The following PHKB variants were observed in gnomAD, a reference collection of about 807,000 sequenced individuals.
The protein encoded by PHKB is phosphorylase kinase regulatory subunit beta.
A neutral mutation model predicts 152.1 loss-of-function variants in PHKB; 122 were observed. That is an observed-to-expected ratio of 0.80 (90% CI 0.69 to 0.93). The LOEUF (loss-of-function observed/expected upper bound fraction) is 0.93, where lower values mean the gene tolerates loss of function less well. Among genes scored for constraint, PHKB ranks in the 40% least tolerant of loss-of-function variants. PHKB has a pLI of 0.00. For missense variants in PHKB, 1,304 were observed against 1,328.4 expected, an observed-to-expected ratio of 0.98 and a Z score of 0.29; for synonymous variants, 436 against 464.9, an observed-to-expected ratio of 0.94 and a Z score of 0.80.
intron 1 of PHKB, among the ~76,000 whole-genome samples, chr16:47,493,101 C>G (rs1014489425): frequency 6.6e-6 from 1 of 152,172 alleles, no homozygotes; most frequent in African/African-American, 2.4e-5. Flanking sequence ...GCAAACAGTG[C>G]GCACTTCCTG....
chr16:47,558,560 G>C (rs377505841), intron 7 of PHKB, among the ~76,000 whole-genome samples: 1 of 152,072 alleles, frequency 6.6e-6, no homozygotes, highest in Admixed American at 6.6e-5. Context: ...GTTTGTTTTT[G>C]TTGTTTTGAG....
At chr16:47,640,061 G>A (rs937325585) in intron 14 of PHKB, among the ~76,000 whole-genome samples, 1 of 152,314 alleles carries the variant, frequency 6.6e-6, no homozygotes, top group Middle Eastern at 3.4e-3. Flanking sequence ...GAAAGTCTGC[G>A]TGAAATGGCA....
At chr16:47,680,132 G>A (rs1231889882) in intron 26 of PHKB, among the ~76,000 whole-genome samples, 1 of 152,164 alleles carries the variant, frequency 6.6e-6, no homozygotes, top group Non-Finnish European at 1.5e-5. Flanking sequence ...CTTGATCATG[G>A]TTGATAGGCT....
intron 1 of PHKB, among the ~76,000 whole-genome samples, chr16:47,478,259 TAGAA>T (rs1969902975): frequency 6.6e-6 from 1 of 152,042 alleles, no homozygotes; most frequent in Admixed American, 6.6e-5. Context: ...GAAATGGAAA[TAGAA>T]AGAAGTGAAA....
At chr16:47,498,770 C>T (rs368611964) in intron 2 of PHKB, among the ~76,000 whole-genome samples, 12 of 152,184 alleles carry the variant, frequency 7.9e-5, no homozygotes, top group East Asian at 5.8e-4. Flanking sequence ...GGCATGGTGG[C>T]GATTGCCTGT....
intron 6 of PHKB, among the ~76,000 whole-genome samples, chr16:47,519,393 G>T (rs1406531918): frequency 2.0e-5 from 3 of 152,154 alleles, no homozygotes; most frequent in African/African-American, 7.2e-5. Flanking sequence ...AAGTTGGGTG[G>T]TGCTGGCTTG....
At chr16:47,552,003 A>G (rs1971279759) in intron 7 of PHKB, among the ~76,000 whole-genome samples, 1 of 152,154 alleles carries the variant, frequency 6.6e-6, no homozygotes, top group Non-Finnish European at 1.5e-5. Context: ...TTGTTGATTT[A>G]AAGTCTGTTT....
At chr16:47,553,382 C>T (rs768256795) in intron 7 of PHKB, among the ~76,000 whole-genome samples, 15 of 151,952 alleles carry the variant, frequency 9.9e-5, no homozygotes, top group Non-Finnish European at 2.2e-4. Flanking sequence ...TTTTCAGTTT[C>T]GTCAGGTCAT....
chr16:47,610,750 T>C (rs111963621), intron 13 of PHKB, 76 bp from the exon 14 acceptor site: 4 of 819,156 alleles, frequency 4.9e-6, no homozygotes, highest in African/African-American at 3.3e-5. Flanking sequence ...TGTTGGAGTA[T>C]TTTCTAAAAG....
intron 6 of PHKB, among the ~76,000 whole-genome samples, chr16:47,522,339 A>G (rs1293037818): frequency 6.6e-6 from 1 of 152,040 alleles, no homozygotes; most frequent in Non-Finnish European, 1.5e-5. Flanking sequence ...ATATTAGTTC[A>G]TAGTATCCTA....
chr16:47,642,944 C>G (rs1973051439), intron 16 of PHKB, among the ~76,000 whole-genome samples: 1 of 152,150 alleles, frequency 6.6e-6, no homozygotes, highest in Admixed American at 6.5e-5. Flanking sequence ...ATCTAAGGCT[C>G]TTATGCTGTG....
At position 47,690,251 on chromosome 16, in the gene PHKB, C is replaced by G. The variant is rs557329004; in HGVS notation, c.2765+1076C>G. 1.2e-3 allele frequency among the ~76,000 whole-genome samples: 185 copies of G among 152,162 alleles called. 1 individual carries two copies. The highest frequency in any genetic ancestry group is 6.8e-3 in the Middle Eastern group (2 of 294). ...AATCACACCTGTAGTTTATACCACACATAAGAATACACTCCAAATAGATTA... is the reference window on the plus strand; with the variant it reads ...AATCACACCTGTAGTTTATACCACAGATAAGAATACACTCCAAATAGATTA... On this transcript the variant is annotated intron_variant, in intron 27 of 30. Transcript: ENST00000323584.
At chr16:47,503,975 A>C (rs1970368917) in intron 4 of PHKB, among the ~76,000 whole-genome samples, 1 of 152,244 alleles carries the variant, frequency 6.6e-6, no homozygotes. Context: ...CTGTGATCCC[A>C]GGTCCTAATA....
intron 14 of PHKB, among the ~76,000 whole-genome samples, chr16:47,629,845 T>TA (rs1458850716): frequency 6.6e-6 from 1 of 152,038 alleles, no homozygotes; most frequent in Non-Finnish European, 1.5e-5. Flanking sequence ...TATGCAGCCA[T>TA]AAAAAATGAT....
At chr16:47,548,605 T>A (rs1344875491) in intron 7 of PHKB, among the ~76,000 whole-genome samples, 5 of 130,780 alleles carry the variant, frequency 3.8e-5, no homozygotes, top group African/African-American at 1.6e-4. Context: ...AGACTCCGTC[T>A]CAAAAAAAAA....
rs775960919 is a variant in PHKB at position 47,663,681 on chromosome 16, C to T, written c.2283C>T (p.Thr761=). The T allele has an allele frequency of 6.8e-6, 11 of 1,612,050 alleles. No individual in the cohort carries two copies. The highest frequency in any genetic ancestry group is 3.3e-5 in the South Asian group (3 of 90,998). The change falls in exon 24 of 31, where the codon ACC becomes ACT. Residue 761 remains threonine, a synonymous_variant. Transcript: ENST00000323584. ...EGPNFITKEG[T]VSDHIERVYR... is the part of the protein sequence containing the mutation. ...ACTCTATTATCCAATGTCTAGGTAC[C>T]GTTTCTGATCACATTGAGAGAGTCT...
Position 47,669,293 on chromosome 16 carries a change from T to C in PHKB, c.2506T>C (p.Tyr836His). 1 of 1,614,032 alleles carries C rather than the reference T, an allele frequency of 6.2e-7. No individual in the cohort carries two copies. The highest frequency in any genetic ancestry group is 8.5e-7 in the Non-Finnish European group (1 of 1,179,880). The part of the protein sequence containing the change: ...LSPRVIQNII[Y>H]YKCNTHDERE... ...TCCAAGAGTGATTCAAAACATCATC[T>C]ATTATAAGTGTAACACCCATGATGA... The change falls in exon 26 of 31, where the codon TAT (tyrosine) becomes CAT (histidine). Residue 836 changes from tyrosine to histidine, a missense_variant. Transcript: ENST00000323584.
intron 26 of PHKB, among the ~76,000 whole-genome samples, chr16:47,678,262 T>A (rs1458370156): frequency 3.3e-5 from 5 of 152,122 alleles, no homozygotes; most frequent in Non-Finnish European, 2.9e-5. Context: ...CAGCATGATT[T>A]ATAATCCTTT....
chr16:47,529,773 G>T (rs981155974), intron 6 of PHKB: 3 of 152,092 alleles, frequency 2.0e-5, no homozygotes, highest in African/African-American at 7.2e-5. Context: ...AAAAATCAGG[G>T]TTTTATTATC....
Sources: gnomAD v4.1 joint callset for allele counts (sites outside exome capture counted in the v4.1 genomes callset) on GRCh38, gnomAD v4.1.1 for gene constraint, MANE v1.5 for transcripts, NCBI Gene and HGNC (gene_info 2026-07-23, HGNC 2026-07-21) for gene names.